The following SPIDR variants were observed in gnomAD, a reference collection of about 807,000 sequenced individuals.
The protein encoded by SPIDR is scaffold protein involved in DNA repair.
In SPIDR, 93 loss-of-function variants were observed where a neutral mutation model predicts 104.6. That is an observed-to-expected ratio of 0.89 (90% CI 0.75 to 1.06). The LOEUF is 1.06. Ranked by LOEUF, SPIDR falls within the 50% of genes least tolerant of loss-of-function variation. The pLI is 0.00. For missense variants in SPIDR, 1,154 were observed against 1,111.2 expected (o/e 1.04, Z -0.55); for synonymous variants, 431 against 416.9 (o/e 1.03, Z -0.41).
At chr8:47,289,663 G>A (rs1050622992) in intron 3 of SPIDR, among the ~76,000 whole-genome samples, 2 of 152,158 alleles carry the variant, frequency 1.3e-5, no homozygotes, top group South Asian at 4.1e-4. Flanking sequence ...TTGCAGGTGT[G>A]TAGTAAAATG....
At chr8:47,267,802 T>G (rs559180428) in intron 1 of SPIDR, among the ~76,000 whole-genome samples, 19 of 152,386 alleles carry the variant, frequency 1.2e-4, no homozygotes, top group African/African-American at 4.6e-4. Context: ...GGTTTTCTTT[T>G]CATTTTCTTA....
At chr8:47,262,058 G>A (rs939195624) in intron 1 of SPIDR, among the ~76,000 whole-genome samples, 7 of 152,014 alleles carry the variant, frequency 4.6e-5, no homozygotes, top group Non-Finnish European at 1.0e-4. Context: ...TACTGTGTTC[G>A]TGCCATGTTC....
intron 1 of SPIDR, among the ~76,000 whole-genome samples, chr8:47,272,912 A>G (rs1354890772): frequency 2.6e-5 from 4 of 152,208 alleles, no homozygotes; most frequent in African/African-American, 9.6e-5. Context: ...TACATATGCA[A>G]CATTTTACCA....
At chr8:47,673,258 G>A (rs2076016357) in intron 10 of SPIDR, among the ~76,000 whole-genome samples, 1 of 152,218 alleles carries the variant, frequency 6.6e-6, no homozygotes, top group South Asian at 2.1e-4. Context: ...TGGCTGTGTT[G>A]CTGCAAGCTG....
rs1183042130 is a variant in SPIDR at position 47,685,504 on chromosome 8, TATTTA to T, written c.1685+11564_1685+11568del. Among the ~76,000 whole-genome samples, 48 of 134,462 alleles carry T rather than the reference TATTTA, an allele frequency of 3.6e-4. 1 individual carries two copies. Among genetic ancestry groups the T allele is most frequent in the Non-Finnish European group, 6.8e-4 (40 of 59,122 alleles). 88.2% of individuals were successfully genotyped at this position (134,462 alleles called of 152,430 possible). A position where few individuals can be genotyped will look rare whatever the true frequency, so the allele number is the denominator to read the frequency against. ...TTATTTATTTATTTATTTATTTATTTATTTATTTATTTATTTTTTTGAGACAGTCT... is the reference window on the plus strand; with the variant it reads ...TTATTTATTTATTTATTTATTTATTTTTTATTTATTTTTTTGAGACAGTCT... On this transcript the variant is annotated intron_variant, in intron 11 of 19. Coordinates refer to ENST00000297423, the MANE Select transcript of SPIDR (RefSeq NM_001080394.4).
At chr8:47,316,630 C>T (rs587686493) in intron 5 of SPIDR, among the ~76,000 whole-genome samples, 4 of 152,210 alleles carry the variant, frequency 2.6e-5, no homozygotes, top group Admixed American at 6.5e-5. Context: ...CCATTTACAT[C>T]GAGTTCTAGA....
chr8:47,261,053 C>G (rs948935118), intron 1 of SPIDR, 62 bp downstream of exon 1: 1 of 1,224,612 alleles, frequency 8.2e-7, no homozygotes, highest in Non-Finnish European at 1.0e-6. Flanking sequence ...AGCGGCGGGC[C>G]GGCGCGGGGC....
At chr8:47,556,486 A>G (rs941481666) in intron 8 of SPIDR, among the ~76,000 whole-genome samples, 1 of 152,198 alleles carries the variant, frequency 6.6e-6, no homozygotes, top group African/African-American at 2.4e-5. Context: ...CCAGCAACCT[A>G]TAATGCCTAA....
At chr8:47,603,978 A>C (rs914864238) in intron 10 of SPIDR, among the ~76,000 whole-genome samples, 2 of 152,126 alleles carry the variant, frequency 1.3e-5, no homozygotes, top group African/African-American at 4.8e-5. Context: ...GGGAAAAAAA[A>C]ATCCACCATG....
intron 5 of SPIDR, among the ~76,000 whole-genome samples, chr8:47,340,474 A>G (rs1403718181): frequency 1.3e-5 from 2 of 151,960 alleles, no homozygotes; most frequent in Non-Finnish European, 2.9e-5. Context: ...ACATGGTGGC[A>G]CCCTGTAGTC....
At chr8:47,434,265 T>C (rs1251414637) in intron 7 of SPIDR, among the ~76,000 whole-genome samples, 1 of 152,146 alleles carries the variant, frequency 6.6e-6, no homozygotes, top group Non-Finnish European at 1.5e-5. Context: ...TGTCCATTCC[T>C]GACCCCTGCT....
chr8:47,275,557 A>C (rs2036250319), intron 1 of SPIDR, among the ~76,000 whole-genome samples: 1 of 152,128 alleles, frequency 6.6e-6, no homozygotes, highest in South Asian at 2.1e-4. Flanking sequence ...TATATTTTTT[A>C]GTTTCCATTC....
Position 47,677,210 on chromosome 8 carries a change from G to A in SPIDR, c.1685+3269G>A, listed in dbSNP as rs550046715. Among the ~76,000 whole-genome samples the A allele has an allele frequency of 5.9e-5, 9 of 152,204 alleles. No homozygotes were observed. In the South Asian group the frequency reaches 1.0e-3, roughly 18 times the overall value. ...CTCTGTCCTCCCAAGTGGCCTGTGC[G>A]GCACTTTAGTAGGCCAAACAAGCTG... On this transcript the variant is annotated intron_variant, in intron 11 of 19. Transcript: ENST00000297423.
intron 10 of SPIDR, among the ~76,000 whole-genome samples, chr8:47,664,321 G>A (rs2074573397): frequency 6.6e-6 from 1 of 152,174 alleles, no homozygotes; most frequent in Non-Finnish European, 1.5e-5. Context: ...TGGGAAGCAG[G>A]CAATAGAAAC....
At chr8:47,730,915 T>G (rs954348356) in intron 19 of SPIDR, among the ~76,000 whole-genome samples, 4 of 152,182 alleles carry the variant, frequency 2.6e-5, no homozygotes, top group Admixed American at 2.6e-4. Context: ...GCGGGATCTT[T>G]GAGGATCACA....
At chr8:47,399,858 CACTT>C (rs1177839811) in intron 6 of SPIDR, among the ~76,000 whole-genome samples, 65 of 152,166 alleles carry the variant, frequency 4.3e-4, no homozygotes, top group African/African-American at 1.5e-3. Flanking sequence ...GTTGGTCAAA[CACTT>C]ACAGAGTAAC....
chr8:47,401,168 T>TG (rs879957663), intron 6 of SPIDR, among the ~76,000 whole-genome samples: 2 of 151,808 alleles, frequency 1.3e-5, no homozygotes, highest in African/African-American at 2.4e-5. Flanking sequence ...CAGAATAGAG[T>TG]GGGGGGCCAA....
chr8:47,561,229 A>G (rs1469972442), intron 8 of SPIDR, among the ~76,000 whole-genome samples: 5 of 152,230 alleles, frequency 3.3e-5, no homozygotes, highest in Non-Finnish European at 7.3e-5. Context: ...TCTATGAAGT[A>G]TCATGTCTGT....
intron 7 of SPIDR, among the ~76,000 whole-genome samples, chr8:47,422,089 T>C (rs2065590173): frequency 6.6e-6 from 1 of 152,194 alleles, no homozygotes; most frequent in South Asian, 2.1e-4. Context: ...GTGTCCGTTC[T>C]CAGATCTCCA....
Sources: gnomAD v4.1 joint callset for allele counts (sites outside exome capture counted in the v4.1 genomes callset) on GRCh38, gnomAD v4.1.1 for gene constraint, MANE v1.5 for transcripts, NCBI Gene and HGNC (gene_info 2026-07-23, HGNC 2026-07-21) for gene names.